FAM185A: variants seen among roughly 807,000 people sequenced by gnomAD.
The protein encoded by FAM185A is protein FAM185A.
FAM185A carries 21 observed loss-of-function variants against 45.7 expected under a neutral mutation model. The ratio of observed to expected loss-of-function variants is 0.46; its 90% CI spans 0.33 to 0.66. The LOEUF (loss-of-function observed/expected upper bound fraction) is 0.66, where lower values mean the gene tolerates loss of function less well. Among genes scored for constraint, FAM185A ranks in the 30% least tolerant of loss-of-function variants. FAM185A has a pLI of 0.03. For missense variants in FAM185A, 305 were observed against 485.4 expected (o/e 0.63, Z 3.49); for synonymous variants, 117 against 194.0 (o/e 0.60, Z 3.30).
chr7:102,826,146 C>A, the FAM185A span, among the ~76,000 whole-genome samples: 2 of 152,078 alleles, frequency 1.3e-5, no homozygotes, highest in Non-Finnish European at 2.9e-5. Context: ...TTTGCCCCCT[C>A]CCCACCAATT....
intron 2 of FAM185A, among the ~76,000 whole-genome samples, chr7:102,756,605 C>T (rs12114007): frequency 0.014 from 2,118 of 151,356 alleles, 52 homozygotes; most frequent in African/African-American, 0.049. Flanking sequence ...TGCAGTGAGC[C>T]GAGATCTCAC....
chr7:102,849,719 TTAA>T, the FAM185A span, among the ~76,000 whole-genome samples: 1 of 152,198 alleles, frequency 6.6e-6, no homozygotes, highest in Admixed American at 6.5e-5. Context: ...CTTTTGGGAC[TTAA>T]TAATTGGGCT....
chr7:102,827,593 G>A, the FAM185A span, among the ~76,000 whole-genome samples: 1 of 151,600 alleles, frequency 6.6e-6, no homozygotes, highest in South Asian at 2.1e-4. Context: ...TGTTACATAT[G>A]TATACATGTG....
intron 1 of FAM185A, among the ~76,000 whole-genome samples, chr7:102,750,818 C>T (rs1793317821): frequency 6.6e-6 from 1 of 152,162 alleles, no homozygotes; most frequent in East Asian, 1.9e-4. Flanking sequence ...CTTAAATAGA[C>T]AGCCAAGGAT....
At chr7:102,775,392 T>C (rs1264981009) in intron 5 of FAM185A, among the ~76,000 whole-genome samples, 2 of 152,188 alleles carry the variant, frequency 1.3e-5, no homozygotes, top group African/African-American at 2.4e-5. Flanking sequence ...TGATAATTTG[T>C]GTTAAACAAA....
At chr7:102,793,124 T>C (rs1377216350) in intron 7 of FAM185A, among the ~76,000 whole-genome samples, 2 of 152,234 alleles carry the variant, frequency 1.3e-5, no homozygotes, top group East Asian at 1.9e-4. Flanking sequence ...CTCTAAGGCT[T>C]ATAGGTATCT....
the FAM185A span, among the ~76,000 whole-genome samples, chr7:102,819,461 C>T: frequency 7.9e-5 from 12 of 152,134 alleles, no homozygotes; most frequent in Non-Finnish European, 4.4e-5. Context: ...GTTTGCTACT[C>T]CTCTGGTTCA....
intron 7 of FAM185A, among the ~76,000 whole-genome samples, chr7:102,803,184 A>G (rs1409101367): frequency 6.6e-6 from 1 of 152,208 alleles, no homozygotes. Flanking sequence ...CATCCTATGA[A>G]GCTAGCATCA....
At chr7:102,789,693 C>T (rs1397684968) in intron 7 of FAM185A, among the ~76,000 whole-genome samples, 2 of 152,260 alleles carry the variant, frequency 1.3e-5, no homozygotes, top group Non-Finnish European at 1.5e-5. Context: ...TGAGCAAGAG[C>T]GAGACTCCCT....
the FAM185A span, among the ~76,000 whole-genome samples, chr7:102,819,954 C>A: frequency 6.6e-6 from 1 of 152,202 alleles, no homozygotes; most frequent in African/African-American, 2.4e-5. Flanking sequence ...GGCCCCCTTA[C>A]AGCTTCTCTA....
intron 7 of FAM185A, 133 bp from the exon 8 acceptor site, chr7:102,808,157 C>G (rs1027695896): frequency 2.6e-5 from 17 of 655,394 alleles, no homozygotes; most frequent in Non-Finnish European, 4.2e-5. Context: ...CTTTGCAACT[C>G]CTGCCCAGTT....
intron 4 of FAM185A, among the ~76,000 whole-genome samples, chr7:102,765,967 C>A (rs184374873): frequency 0.017 from 2,590 of 152,020 alleles, 7 homozygotes; most frequent in African/African-American, 0.06. Context: ...TTATTAAATT[C>A]TGATATTTGA....
At chr7:102,850,596 A>C in the FAM185A span, among the ~76,000 whole-genome samples, 1 of 152,202 alleles carries the variant, frequency 6.6e-6, no homozygotes, top group Non-Finnish European at 1.5e-5. Flanking sequence ...TTTAACCCTT[A>C]AGTTAATTGC....
intron 7 of FAM185A, among the ~76,000 whole-genome samples, chr7:102,794,090 C>T (rs920682062): frequency 6.6e-5 from 9 of 136,386 alleles, no homozygotes; most frequent in African/African-American, 8.2e-5. Context: ...TCAGGGCATA[C>T]AAAAACAGGC....
the FAM185A span, among the ~76,000 whole-genome samples, chr7:102,815,147 T>A: frequency 3.3e-5 from 5 of 152,114 alleles, no homozygotes; most frequent in Non-Finnish European, 7.4e-5. Context: ...AGTCTAAACA[T>A]TATCCATTTT....
intron 7 of FAM185A, among the ~76,000 whole-genome samples, chr7:102,790,477 AC>A (rs1203804903): frequency 6.6e-6 from 1 of 152,244 alleles, no homozygotes; most frequent in African/African-American, 2.4e-5. Context: ...CAAGAGAGTT[AC>A]CTATTTTTGG....
the FAM185A span, chr7:102,833,104 AT>A: frequency 1.1e-6 from 1 of 948,286 alleles, no homozygotes. Context: ...CCCCCAAAAA[AT>A]AATTTAAAAA....
chr7:102,819,557 T>C, the FAM185A span, among the ~76,000 whole-genome samples: 2 of 152,220 alleles, frequency 1.3e-5, no homozygotes, highest in Non-Finnish European at 2.9e-5. Context: ...AATTTATGTA[T>C]AAAACAGCCT....
At chr7:102,758,875 G>C (rs891745388) in intron 3 of FAM185A, among the ~76,000 whole-genome samples, 3 of 145,016 alleles carry the variant, frequency 2.1e-5, no homozygotes, top group African/African-American at 7.6e-5. Context: ...TTTCAGAGTT[G>C]GTGGGGAGGA....
Sources: allele counts gnomAD v4.1 joint callset (sites outside exome capture counted in the v4.1 genomes callset), GRCh38; gene constraint gnomAD v4.1.1; transcripts MANE v1.5; gene names NCBI Gene and HGNC (gene_info 2026-07-23, HGNC 2026-07-21).